The following DCHS2 variants were observed in gnomAD, a reference collection of about 807,000 sequenced individuals.
The protein encoded by DCHS2 is dachsous cadherin-related 2, also known as protocadherin-23.
Under a neutral mutation model 182.4 loss-of-function variants are expected in DCHS2, and 142 were observed. The observed-to-expected ratio is 0.78, with a 90% CI of 0.68 to 0.89. The LOEUF (loss-of-function observed/expected upper bound fraction) is 0.89. DCHS2 is among the 40% of genes least tolerant of loss of function. The probability of loss-of-function intolerance (pLI) is 0.00; values close to 1 mark genes in which losing one functional copy is unlikely to be tolerated. For synonymous variants in DCHS2, 1,740 were observed against 1,663.3 expected (o/e 1.05, Z -1.12); for missense variants, 4,319 against 4,198.6 (o/e 1.03, Z -0.79).
chr4:154,404,768 T>C (rs183145007), intron 1 of DCHS2, among the ~76,000 whole-genome samples: 1 of 152,378 alleles, frequency 6.6e-6, no homozygotes, highest in Admixed American at 6.5e-5. Flanking sequence ...TTATGAAATA[T>C]CTTCCTTTAT....
At chr4:154,256,779 A>C (rs112148829) in intron 15 of DCHS2, among the ~76,000 whole-genome samples, 1,787 of 152,170 alleles carry the variant, frequency 0.012, 41 homozygotes, top group African/African-American at 0.041. Context: ...TTTTCATTCT[A>C]ATTTCCTACC....
At chr4:154,274,725 GGA>G (rs1418690034) in intron 13 of DCHS2, among the ~76,000 whole-genome samples, 2 of 152,054 alleles carry the variant, frequency 1.3e-5, no homozygotes, top group Admixed American at 1.3e-4. Flanking sequence ...GGGAGACAGA[GGA>G]GAAAGGACAC....
At chr4:154,465,870 A>G (rs1735219949) in intron 1 of DCHS2, among the ~76,000 whole-genome samples, 1 of 152,122 alleles carries the variant, frequency 6.6e-6, no homozygotes, top group Admixed American at 6.5e-5. Flanking sequence ...TCCACATACA[A>G]TCAAAGGTAA....
chr4:154,340,565 C>T (rs1310150233), intron 3 of DCHS2, among the ~76,000 whole-genome samples: 1 of 152,018 alleles, frequency 6.6e-6, no homozygotes, highest in Non-Finnish European at 1.5e-5. Context: ...TTGAGGTTCC[C>T]GATGATTTGA....
At chr4:154,246,410 G>A (rs1431663972) in intron 16 of DCHS2, among the ~76,000 whole-genome samples, 2 of 151,938 alleles carry the variant, frequency 1.3e-5, no homozygotes, top group African/African-American at 2.4e-5. Context: ...AAAAATAGTC[G>A]ACTTCCCCTG....
At chr4:154,316,029 CT>C in intron 9 of DCHS2, 42 bp from the exon 10 acceptor site, 1 of 1,606,896 alleles carries the variant, frequency 6.2e-7, no homozygotes, top group Non-Finnish European at 8.5e-7. Context: ...AATGAATATT[CT>C]TTAGAGAAGT....
chr4:154,329,652 A>G lies in DCHS2; in HGVS notation c.3789T>C (p.Thr1263=). 1 of 1,612,432 alleles carries G rather than the reference A, an allele frequency of 6.2e-7. No individual in the cohort carries two copies. The highest frequency in any genetic ancestry group is 8.5e-7 in the Non-Finnish European group (1 of 1,179,854). ...DREHRGHHEM[T]VLVTDRGSPP... Reference sequence around the variant, plus strand: ...GGGAGCCGCGGTCTGTCACTAGCACAGTCATCTCATGGTGCCCCCGGTGCT... The same window carrying G: ...GGGAGCCGCGGTCTGTCACTAGCACGGTCATCTCATGGTGCCCCCGGTGCT... The change falls in exon 6 of 20, where the codon ACT becomes ACC. Residue 1263 remains threonine, a synonymous_variant. Transcript: ENST00000357232.
intron 1 of DCHS2, among the ~76,000 whole-genome samples, chr4:154,416,381 G>A (rs1354894368): frequency 6.6e-6 from 1 of 152,210 alleles, no homozygotes; most frequent in Non-Finnish European, 1.5e-5. Context: ...GCAGCTGACA[G>A]CGCAGGGAGG....
intron 1 of DCHS2, among the ~76,000 whole-genome samples, chr4:154,439,308 C>G (rs140146089): frequency 5.8e-4 from 89 of 152,222 alleles, no homozygotes; most frequent in African/African-American, 2.0e-3. Context: ...AAATTGAAAG[C>G]TACTATCAAA....
chr4:154,331,626 A>C (rs1736530731), intron 5 of DCHS2: 2 of 1,613,716 alleles, frequency 1.2e-6, no homozygotes, highest in African/African-American at 2.7e-5. Flanking sequence ...CAAAGGCTTG[A>C]AGTTCATCAG....
intron 3 of DCHS2, among the ~76,000 whole-genome samples, chr4:154,352,073 A>G (rs145468950): frequency 5.1e-4 from 78 of 152,238 alleles, no homozygotes; most frequent in African/African-American, 1.8e-3. Flanking sequence ...ACACACACAT[A>G]CATACACACA....
chr4:154,338,650 G>A (rs1175098055), intron 3 of DCHS2, among the ~76,000 whole-genome samples: 2 of 152,172 alleles, frequency 1.3e-5, no homozygotes, highest in Non-Finnish European at 2.9e-5. Flanking sequence ...TCAAGAGGAT[G>A]TCATTTGGAA....
At chr4:154,242,291 T>C (rs1006619028) in intron 17 of DCHS2, among the ~76,000 whole-genome samples, 3 of 152,088 alleles carry the variant, frequency 2.0e-5, no homozygotes, top group African/African-American at 7.2e-5. Flanking sequence ...ACTGACAGAG[T>C]TATGAATGCT....
intron 4 of DCHS2, chr4:154,334,143 G>C (rs1475019050): frequency 6.6e-6 from 1 of 152,498 alleles, no homozygotes; most frequent in African/African-American, 2.4e-5. Flanking sequence ...ATTTGAGGAA[G>C]TCAAGTTCAA....
chr4:154,468,150 T>C (rs980675804), intron 1 of DCHS2, among the ~76,000 whole-genome samples: 1 of 152,150 alleles, frequency 6.6e-6, no homozygotes, highest in Non-Finnish European at 1.5e-5. Flanking sequence ...CAGCCGGACA[T>C]TCTTACCCAA....
chr4:154,249,812 A>G (rs1732265289), intron 16 of DCHS2, among the ~76,000 whole-genome samples: 1 of 149,582 alleles, frequency 6.7e-6, no homozygotes, highest in African/African-American at 2.4e-5. Flanking sequence ...AAAATAGCTC[A>G]TGTTCTCACT....
chr4:154,302,915 T>G, intron 12 of DCHS2, among the ~76,000 whole-genome samples: 1 of 146,462 alleles, frequency 6.8e-6, no homozygotes. Flanking sequence ...TACACACATA[T>G]ATATGAAATA....
intron 1 of DCHS2, among the ~76,000 whole-genome samples, chr4:154,460,214 C>G (rs994482067): frequency 6.6e-6 from 1 of 152,162 alleles, no homozygotes; most frequent in Non-Finnish European, 1.5e-5. Context: ...AAGCAAAACA[C>G]AAATGTATAC....
In DCHS2 at chr4:154,298,683, A is replaced by G. The variant is rs748152104; in HGVS notation, c.5631T>C (p.Thr1877=). Residue 1877 remains threonine (T), a synonymous_variant, in exon 13 of 20, where the codon ACT becomes ACC. Coordinates refer to ENST00000357232, the MANE Select transcript of DCHS2 (RefSeq NM_001358235.2). ...IIDGNTDECF[T]INEMSGELST... is the part of the protein sequence containing the mutation. ...AGAGTTCTCCTGACATCTCATTTATAGTAAAGCACTCATCAGTATTTCCAT... is the reference window on the plus strand; with the variant it reads ...AGAGTTCTCCTGACATCTCATTTATGGTAAAGCACTCATCAGTATTTCCAT... The G allele has an allele frequency of 6.3e-7, 1 of 1,592,208 alleles. No homozygotes were observed.
Sources: allele counts gnomAD v4.1 joint callset (sites outside exome capture counted in the v4.1 genomes callset), GRCh38; gene constraint gnomAD v4.1.1; transcripts MANE v1.5; gene names NCBI Gene and HGNC (gene_info 2026-07-23, HGNC 2026-07-21).